CDH12: variants seen among roughly 807,000 people sequenced by gnomAD.
CDH12 encodes cadherin-12.
A neutral mutation model predicts 74.1 loss-of-function variants in CDH12; 41 were observed. The observed-to-expected ratio is 0.55, with a 90% confidence interval of 0.43 to 0.72. The LOEUF (loss-of-function observed/expected upper bound fraction) is 0.72, where lower values mean the gene tolerates loss of function less well. Ranked by LOEUF, CDH12 falls within the 30% of genes least tolerant of loss-of-function variation. CDH12 has a pLI of 0.00. For synonymous variants in CDH12, 399 were observed against 355.0 expected (o/e 1.12, Z -1.39); for missense variants, 945 against 977.2 (o/e 0.97, Z 0.44).
intron 3 of CDH12, among the ~76,000 whole-genome samples, chr5:22,239,815 A>T (rs1458483669): frequency 6.6e-6 from 1 of 152,186 alleles, no homozygotes; most frequent in African/African-American, 2.4e-5. Flanking sequence ...AGATAAACAG[A>T]GTAACAGAAA....
intron 2 of CDH12, among the ~76,000 whole-genome samples, chr5:22,478,340 C>T (rs1486133142): frequency 6.7e-6 from 1 of 148,200 alleles, no homozygotes; most frequent in Non-Finnish European, 1.5e-5. Context: ...ATGGCGTGAA[C>T]CTGGGAGGCG....
chr5:22,757,558 T>A (rs1224355365), intron 1 of CDH12, among the ~76,000 whole-genome samples: 1 of 152,212 alleles, frequency 6.6e-6, no homozygotes, highest in Non-Finnish European at 1.5e-5. Context: ...ATTATTCAGA[T>A]GTTTTCATTA....
chr5:21,950,274 A>G (rs10061306), intron 6 of CDH12, among the ~76,000 whole-genome samples: 23,042 of 152,150 alleles, frequency 0.15, 1,954 homozygotes, highest in African/African-American at 0.21. Flanking sequence ...GATGTTACAC[A>G]GTGAAGAAAT....
intron 1 of CDH12, among the ~76,000 whole-genome samples, chr5:22,808,779 T>C (rs1433359027): frequency 2.1e-5 from 3 of 145,132 alleles, no homozygotes; most frequent in Non-Finnish European, 3.0e-5. Flanking sequence ...TTTTTTTTTT[T>C]TTTTTTTTTA....
At chr5:22,523,605 G>C (rs1737142342) in intron 1 of CDH12, among the ~76,000 whole-genome samples, 1 of 152,032 alleles carries the variant, frequency 6.6e-6, no homozygotes, top group South Asian at 2.1e-4. Context: ...TGCTGTTGCA[G>C]GTCAATCCTT....
At chr5:22,408,188 T>C (rs970164763) in intron 2 of CDH12, among the ~76,000 whole-genome samples, 2 of 152,090 alleles carry the variant, frequency 1.3e-5, no homozygotes, top group African/African-American at 4.8e-5. Flanking sequence ...TGTTTTCCAC[T>C]TTTATCTCTG....
intron 1 of CDH12, among the ~76,000 whole-genome samples, chr5:22,778,669 A>AT (rs1198677863): frequency 6.6e-6 from 1 of 152,140 alleles, no homozygotes; most frequent in African/African-American, 2.4e-5. Context: ...AAAATACATT[A>AT]TTTTTAATCA....
intron 4 of CDH12, among the ~76,000 whole-genome samples, chr5:22,091,758 C>CA (rs996750808): frequency 6.6e-6 from 1 of 151,890 alleles, no homozygotes; most frequent in East Asian, 2.0e-4. Context: ...CAGTCTTATA[C>CA]AAAAAAGTAA....
chr5:22,362,215 A>G (rs545890206), intron 3 of CDH12, among the ~76,000 whole-genome samples: 133 of 152,320 alleles, frequency 8.7e-4, no homozygotes, highest in Non-Finnish European at 1.7e-3. Flanking sequence ...ATCTACAAAG[A>G]ACTCAAACAA....
At chr5:22,092,858 C>A (rs969639993) in intron 4 of CDH12, among the ~76,000 whole-genome samples, 15 of 152,080 alleles carry the variant, frequency 9.9e-5, no homozygotes, top group Admixed American at 1.3e-4. Context: ...TACATAAAAA[C>A]CAATGGGATT....
rs554013160 is a variant in CDH12 at position 22,015,698 on chromosome 5, G to A, written c.232-40313C>T. 5.9e-5 allele frequency among the ~76,000 whole-genome samples: 9 copies of A among 152,168 alleles called. No individual in the cohort carries two copies. In the South Asian group the frequency reaches 6.2e-4, roughly 11 times the overall value. On this transcript the variant is annotated intron_variant, in intron 5 of 14. Coordinates refer to ENST00000382254, the MANE Select transcript of CDH12 (RefSeq NM_004061.5). ...GTCCATGGCTTTATAGAGTCCCAGC[G>A]TAATTTTGCATATATTCTTCAACTT...
At chr5:21,981,588 C>G (rs1757308587) in intron 5 of CDH12, among the ~76,000 whole-genome samples, 1 of 152,076 alleles carries the variant, frequency 6.6e-6, no homozygotes, top group Admixed American at 6.6e-5. Flanking sequence ...TTTACGCTTC[C>G]CCTTACATCT....
chr5:22,562,359 T>A (rs1739093799), intron 1 of CDH12, among the ~76,000 whole-genome samples: 1 of 151,976 alleles, frequency 6.6e-6, no homozygotes, highest in African/African-American at 2.4e-5. Flanking sequence ...AAAACATACA[T>A]AGAGATTATA....
chr5:21,830,429 C>T (rs1264109847), intron 8 of CDH12, among the ~76,000 whole-genome samples: 1 of 151,864 alleles, frequency 6.6e-6, no homozygotes, highest in African/African-American at 2.4e-5. Context: ...CTAATTCTCC[C>T]AGAAGCACAG....
chr5:22,282,524 C>A (rs1736933994), intron 3 of CDH12, among the ~76,000 whole-genome samples: 1 of 151,820 alleles, frequency 6.6e-6, no homozygotes, highest in Admixed American at 6.6e-5. Context: ...CCAGAATCTA[C>A]AAGGAACTTA....
chr5:22,154,738 TC>T (rs1747914151), intron 4 of CDH12, among the ~76,000 whole-genome samples: 1 of 152,038 alleles, frequency 6.6e-6, no homozygotes, highest in East Asian at 1.9e-4. Context: ...ACTTCCTTAA[TC>T]CACATAGCAC....
chr5:22,817,016 T>C (rs992794831), intron 1 of CDH12, among the ~76,000 whole-genome samples: 3 of 152,196 alleles, frequency 2.0e-5, no homozygotes, highest in Non-Finnish European at 2.9e-5. Context: ...ATTAAAATTC[T>C]CTAACTCACA....
At chr5:22,527,332 C>T (rs1330827505) in intron 1 of CDH12, among the ~76,000 whole-genome samples, 1 of 152,028 alleles carries the variant, frequency 6.6e-6, no homozygotes, top group African/African-American at 2.4e-5. Context: ...GATTGTGACT[C>T]TCCATTTTTA....
chr5:22,686,758 A>C (rs1741816751), intron 1 of CDH12, among the ~76,000 whole-genome samples: 1 of 152,212 alleles, frequency 6.6e-6, no homozygotes, highest in African/African-American at 2.4e-5. Context: ...TAATACACAT[A>C]AAATGTCTAA....
Sources: allele counts gnomAD v4.1 joint callset (sites outside exome capture counted in the v4.1 genomes callset), GRCh38; gene constraint gnomAD v4.1.1; transcripts MANE v1.5; gene names NCBI Gene and HGNC (gene_info 2026-07-23, HGNC 2026-07-21).